The following LGR4 variants were observed in gnomAD, a reference collection of about 807,000 sequenced individuals.
LGR4 encodes the protein leucine rich repeat containing G protein-coupled receptor 4.
A neutral mutation model predicts 84.8 loss-of-function variants in LGR4; 44 were observed. The ratio of observed to expected loss-of-function variants is 0.52; its 90% confidence interval spans 0.41 to 0.67. The LOEUF is 0.67. Among genes scored for constraint, LGR4 ranks in the 30% least tolerant of loss-of-function variants. The pLI is 0.00. For synonymous variants in LGR4, 429 were observed against 434.3 expected (o/e 0.99, Z 0.15); for missense variants, 1,032 against 1,131.4 (o/e 0.91, Z 1.26).
chr11:27,425,278 T>C (rs1448597435), intron 1 of LGR4, among the ~76,000 whole-genome samples: 1 of 151,704 alleles, frequency 6.6e-6, no homozygotes, highest in Non-Finnish European at 1.5e-5. Flanking sequence ...AATAATATAT[T>C]CTGGTTGGCC....
At chr11:27,380,449 A>G in intron 9 of LGR4, 110 bp from the exon 10 acceptor site, 1 of 786,056 alleles carries the variant, frequency 1.3e-6, no homozygotes, top group Non-Finnish European at 2.1e-6. Context: ...AACTAGTTTC[A>G]TCTCTTGAAT....
At position 27,457,375 on chromosome 11, in the gene LGR4, C is replaced by T. The variant is rs919158164; in HGVS notation, c.185+14743G>A. Reference sequence around the variant, plus strand: ...GGGTAATTTCTACAGGAGTCTCTGGCGGGGATTACAGCAACTGCTAGGTAT... The same window carrying T: ...GGGTAATTTCTACAGGAGTCTCTGGTGGGGATTACAGCAACTGCTAGGTAT... On this transcript the variant is annotated intron_variant, in intron 1 of 17. Transcript: ENST00000379214. 1.1e-4 allele frequency among the ~76,000 whole-genome samples: 17 copies of T among 152,124 alleles called. 1 individual carries two copies. The South Asian group carries it at 1.2e-3, about 11-fold the overall frequency.
chr11:27,435,299 C>T (rs1330900782), intron 1 of LGR4, among the ~76,000 whole-genome samples: 7 of 151,810 alleles, frequency 4.6e-5, no homozygotes. Flanking sequence ...CACCACTATA[C>T]TCCAGCCTGG....
chr11:27,409,717 T>C (rs1232359223), intron 2 of LGR4, among the ~76,000 whole-genome samples: 1 of 152,150 alleles, frequency 6.6e-6, no homozygotes, highest in Non-Finnish European at 1.5e-5. Flanking sequence ...ACTTTATGCG[T>C]CCTAAAACTT....
intron 1 of LGR4, among the ~76,000 whole-genome samples, chr11:27,414,381 T>C (rs926673341): frequency 1.3e-5 from 2 of 150,522 alleles, no homozygotes; most frequent in African/African-American, 2.5e-5. Flanking sequence ...GCACTTTTGC[T>C]TGACAACCGG....
At chr11:27,467,143 G>C (rs1864790561) in intron 1 of LGR4, among the ~76,000 whole-genome samples, 1 of 152,134 alleles carries the variant, frequency 6.6e-6, no homozygotes, top group Admixed American at 6.5e-5. Flanking sequence ...TGAGGCATGA[G>C]TTCCCCATGC....
At chr11:27,420,432 TA>T (rs1160820115) in intron 1 of LGR4, among the ~76,000 whole-genome samples, 2 of 152,032 alleles carry the variant, frequency 1.3e-5, no homozygotes, top group Non-Finnish European at 2.9e-5. Context: ...ACAAAACAAG[TA>T]AATACTATGA....
intron 1 of LGR4, among the ~76,000 whole-genome samples, chr11:27,426,080 G>T (rs1407909966): frequency 6.6e-6 from 1 of 152,106 alleles, no homozygotes; most frequent in Admixed American, 6.5e-5. Flanking sequence ...CACTTCCAAA[G>T]AAAAAACAGG....
In LGR4 at chr11:27,421,915, T is replaced by G. The variant is rs962763507; in HGVS notation, c.186-9055A>C. ...ATGCCAAAGACAAAAAAAATTACTT[T>G]CCTGTCTCTAATTTGATCAAGAACC... On this transcript the variant is annotated intron_variant, in intron 1 of 17. Coordinates refer to ENST00000379214, the MANE Select transcript of LGR4 (RefSeq NM_018490.5). Among the ~76,000 whole-genome samples, 5 of 152,326 alleles carry G rather than the reference T, an allele frequency of 3.3e-5. No individual in the cohort carries two copies. In the South Asian group the frequency reaches 1.0e-3, roughly 32 times the overall value.
intron 7 of LGR4, among the ~76,000 whole-genome samples, chr11:27,381,595 T>C (rs920065949): frequency 9.2e-5 from 14 of 152,048 alleles, no homozygotes; most frequent in Non-Finnish European, 1.8e-4. Context: ...GATGGGAGGA[T>C]CACCTGAGCC....
chr11:27,458,473 T>G (rs185326162), intron 1 of LGR4, among the ~76,000 whole-genome samples: 1 of 152,150 alleles, frequency 6.6e-6, no homozygotes, highest in African/African-American at 2.4e-5. Flanking sequence ...GGATGACTTT[T>G]AAAATTGAGG....
chr11:27,376,486 A>G, intron 12 of LGR4, 116 bp from the exon 13 acceptor site: 1 of 499,154 alleles, frequency 2.0e-6, no homozygotes, highest in Non-Finnish European at 3.6e-6. Context: ...ATTTTGAAAA[A>G]TAACATTATA....
At chr11:27,467,383 T>C (rs1363811571) in intron 1 of LGR4, among the ~76,000 whole-genome samples, 1 of 151,846 alleles carries the variant, frequency 6.6e-6, no homozygotes, top group African/African-American at 2.4e-5. Context: ...CTGGCCAAGA[T>C]GGTAAAACCC....
intron 1 of LGR4, among the ~76,000 whole-genome samples, chr11:27,431,913 T>C (rs1053607036): frequency 4.6e-5 from 7 of 152,254 alleles, no homozygotes; most frequent in African/African-American, 2.4e-5. Flanking sequence ...TAATGAATCA[T>C]GGCATCCACC....
chr11:27,458,096 G>A (rs759668595), intron 1 of LGR4, among the ~76,000 whole-genome samples: 8 of 152,066 alleles, frequency 5.3e-5, no homozygotes, highest in African/African-American at 1.7e-4. Flanking sequence ...TGCCACTGTG[G>A]TCCGGCTTGG....
intron 2 of LGR4, among the ~76,000 whole-genome samples, chr11:27,400,189 G>A (rs1295209976): frequency 2.6e-5 from 4 of 152,158 alleles, no homozygotes; most frequent in African/African-American, 4.8e-5. Flanking sequence ...ATGCTCAAGC[G>A]ATGTAAATAT....
Position 27,368,980 on chromosome 11 carries a change from A to C in LGR4, c.1743T>G (p.Ser581=), listed in dbSNP as rs745525143. The change falls in exon 18 of 18, where the codon TCT becomes TCG. Residue 581 remains serine (S), a synonymous_variant. Coordinates refer to ENST00000379214, the MANE Select transcript of LGR4 (RefSeq NM_018490.5). ...AGATTCCCATGAATAAGTTAGACAC[A>C]GAAATCAAGCCTATAAACAATTTGG... The part of the protein sequence containing the change: ...PSSKLFIGLI[S]VSNLFMGIYT... The C allele has an allele frequency of 1.3e-4, 209 of 1,614,076 alleles. 1 individual carries two copies. The highest frequency in any genetic ancestry group is 5.1e-6 in the Non-Finnish European group (6 of 1,180,016).
chr11:27,392,529 A>T lies in LGR4; in HGVS notation c.258-11T>A. On this transcript the variant is annotated splice_polypyrimidine_tract_variant and intron_variant, in intron 2 of 17. Transcript: ENST00000379214. ...TTGCCCGCCAATTGTCTAGAGAAAA[A>T]AAAAAAAAAAGTAGCAAGAAAAAAA... 1 of 1,556,878 alleles carries T rather than the reference A, an allele frequency of 6.4e-7. No homozygotes were observed. Among genetic ancestry groups the T allele is most frequent in the Non-Finnish European group, 8.6e-7 (1 of 1,156,424 alleles).
At chr11:27,472,073 C>T (rs1393897283) in intron 1 of LGR4, 45 bp downstream of exon 1, 6 of 974,084 alleles carry the variant, frequency 6.2e-6, no homozygotes, top group Non-Finnish European at 7.8e-6. Flanking sequence ...CCCCGCTGGG[C>T]CCCGTTTCCT....
Sources: gnomAD v4.1 joint callset for allele counts (sites outside exome capture counted in the v4.1 genomes callset) on GRCh38, gnomAD v4.1.1 for gene constraint, MANE v1.5 for transcripts, NCBI Gene and HGNC (gene_info 2026-07-23, HGNC 2026-07-21) for gene names.